The following ADGRL3 variants were observed in gnomAD, a reference collection of about 807,000 sequenced individuals.
The protein encoded by ADGRL3 is calcium-independent alpha-latrotoxin receptor 3.
ADGRL3 carries 62 observed loss-of-function variants against 153.5 expected under a neutral mutation model. That is an observed-to-expected ratio of 0.40 (90% CI 0.33 to 0.50). The LOEUF is 0.50. Among genes scored for constraint, ADGRL3 ranks in the 20% least tolerant of loss-of-function variants. The probability of loss-of-function intolerance (pLI) is 0.47; values close to 1 mark genes in which losing one functional copy is unlikely to be tolerated. For synonymous variants in ADGRL3, 710 were observed against 672.5 expected, an observed-to-expected ratio of 1.06 and a Z score of -0.86; for missense variants, 1,641 against 1,859.4, an observed-to-expected ratio of 0.88 and a Z score of 2.16.
intron 6 of ADGRL3, among the ~76,000 whole-genome samples, chr4:61,703,593 A>C (rs2095804702): frequency 6.6e-6 from 1 of 152,030 alleles, no homozygotes; most frequent in Admixed American, 6.6e-5. Context: ...GTATTAGAAC[A>C]ATAGGATAAG....
chr4:61,527,601 C>T (rs998159490), intron 4 of ADGRL3, among the ~76,000 whole-genome samples: 1 of 152,040 alleles, frequency 6.6e-6, no homozygotes, highest in Non-Finnish European at 1.5e-5. Context: ...ACTGTGAATG[C>T]CCCTTAGGTT....
intron 25 of ADGRL3, among the ~76,000 whole-genome samples, chr4:62,047,666 T>G (rs1298492747): frequency 1.3e-5 from 2 of 152,168 alleles, no homozygotes; most frequent in African/African-American, 4.8e-5. Context: ...TCTTTGGAAG[T>G]TTGTTGTTTC....
At chr4:61,867,472 C>T (rs1210101199) in intron 9 of ADGRL3, among the ~76,000 whole-genome samples, 1 of 126,380 alleles carries the variant, frequency 7.9e-6, no homozygotes, top group Non-Finnish European at 1.7e-5. Context: ...TGCACTCCAG[C>T]CTGGGCGACA....
At chr4:61,681,470 G>T (rs1364993679) in intron 6 of ADGRL3, among the ~76,000 whole-genome samples, 1 of 151,844 alleles carries the variant, frequency 6.6e-6, no homozygotes, top group Non-Finnish European at 1.5e-5. Context: ...AAAATTGCGG[G>T]GGGAAGTACA....
At position 62,071,174 on chromosome 4, in the gene ADGRL3, T is replaced by C. The variant is rs1396800356; in HGVS notation, c.*266T>C. 3.2e-5 allele frequency: 11 copies of C among 342,486 alleles called. No individual in the cohort carries two copies. The East Asian group carries it at 4.7e-4, about 15-fold the overall frequency. 21.2% of individuals were successfully genotyped at this position (342,486 alleles called of 1,614,324 possible). A position where few individuals can be genotyped will look rare whatever the true frequency, so the allele number is the denominator to read the frequency against. On this transcript the variant is annotated 3_prime_UTR_variant, in exon 27 of 27. Transcript: ENST00000683033. ...GACTTCATTATGTTAATGAACAAGATATGAAGAAAATGGCACTCATTGTGG... is the reference window on the plus strand; with the variant it reads ...GACTTCATTATGTTAATGAACAAGACATGAAGAAAATGGCACTCATTGTGG...
intron 1 of ADGRL3, among the ~76,000 whole-genome samples, chr4:61,360,252 A>G (rs1350983835): frequency 6.6e-6 from 1 of 152,190 alleles, no homozygotes; most frequent in Non-Finnish European, 1.5e-5. Flanking sequence ...TATTTCTGAG[A>G]TAACTTTGAC....
chr4:61,313,596 A>G (rs925420736), intron 1 of ADGRL3, among the ~76,000 whole-genome samples: 4 of 152,190 alleles, frequency 2.6e-5, no homozygotes, highest in African/African-American at 9.6e-5. Context: ...TGTATAACAC[A>G]ACCAATTTTA....
intron 2 of ADGRL3, among the ~76,000 whole-genome samples, chr4:61,409,415 A>ATT (rs1286789718): frequency 6.9e-6 from 1 of 144,152 alleles, no homozygotes; most frequent in Non-Finnish European, 1.5e-5. Context: ...ATATATATAT[A>ATT]TATATTATAT....
chr4:61,805,212 G>T (rs1253144239), intron 8 of ADGRL3, among the ~76,000 whole-genome samples: 1 of 152,044 alleles, frequency 6.6e-6, no homozygotes, highest in Non-Finnish European at 1.5e-5. Context: ...AAAGTGCTGG[G>T]ATTACAGGCA....
intron 2 of ADGRL3, among the ~76,000 whole-genome samples, chr4:61,437,350 A>G (rs2097460784): frequency 6.6e-6 from 1 of 152,182 alleles, no homozygotes; most frequent in Non-Finnish European, 1.5e-5. Context: ...CATTTTTGTC[A>G]TTGCAAAGTT....
rs972189546 is a variant in ADGRL3 at position 61,599,807 on chromosome 4, CT to C, written c.473+12369del. ...GGAGAAGGTCAGAGAAAAATTTTCG[CT>C]TCTGCAGCCACTTCTGAGGCCTTCA... is the stretch of plus-strand genomic sequence containing the variant. On this transcript the variant is annotated intron_variant, in intron 5 of 26. Transcript: ENST00000683033. Among the ~76,000 whole-genome samples, 58 of 152,126 alleles carry C rather than the reference CT, an allele frequency of 3.8e-4. 2 individuals carry two copies. Among genetic ancestry groups the C allele is most frequent in the Non-Finnish European group, 1.5e-5 (1 of 68,024 alleles).
intron 5 of ADGRL3, among the ~76,000 whole-genome samples, chr4:61,595,952 T>A (rs1377306130): frequency 1.3e-5 from 2 of 152,232 alleles, no homozygotes; most frequent in African/African-American, 4.8e-5. Context: ...CTGAATTCAA[T>A]GTAAAGTTTC....
chr4:61,710,431 C>T (rs931244681), intron 6 of ADGRL3, among the ~76,000 whole-genome samples: 1 of 152,136 alleles, frequency 6.6e-6, no homozygotes, highest in Non-Finnish European at 1.5e-5. Flanking sequence ...GAGATTCTTA[C>T]TTGCAAGATT....
intron 2 of ADGRL3, among the ~76,000 whole-genome samples, chr4:61,423,002 T>C (rs1337748132): frequency 1.3e-5 from 2 of 152,016 alleles, no homozygotes; most frequent in African/African-American, 4.8e-5. Context: ...CTTAGAATTA[T>C]AAAGAGGTGG....
At chr4:62,022,966 A>C (rs1367121360) in intron 21 of ADGRL3, among the ~76,000 whole-genome samples, 1 of 152,120 alleles carries the variant, frequency 6.6e-6, no homozygotes, top group Non-Finnish European at 1.5e-5. Flanking sequence ...TTATTACTCA[A>C]GAAATAAGTT....
chr4:61,482,435 G>T (rs532784962), intron 2 of ADGRL3, among the ~76,000 whole-genome samples: 1 of 152,054 alleles, frequency 6.6e-6, no homozygotes, highest in Non-Finnish European at 1.5e-5. Flanking sequence ...TTTCTAGCCG[G>T]AGCCAAATAT....
intron 2 of ADGRL3, among the ~76,000 whole-genome samples, chr4:61,404,033 G>T (rs750720629): frequency 6.6e-5 from 10 of 151,962 alleles, no homozygotes; most frequent in Non-Finnish European, 1.5e-4. Context: ...TTCAATATAA[G>T]AAATTTTAGG....
chr4:62,077,924 G>C lies in ADGRL3; in HGVS notation c.*7016G>C, dbSNP rs979711238. On this transcript the variant is annotated 3_prime_UTR_variant, in exon 27 of 27. Transcript: ENST00000683033. ...GAACTAGAAAATCAAGATTTGTAGAGTCAGGTTGATTTGCCTTCATTTAAT... is the reference window on the plus strand; with the variant it reads ...GAACTAGAAAATCAAGATTTGTAGACTCAGGTTGATTTGCCTTCATTTAAT... 3.3e-5 allele frequency: 5 copies of C among 151,928 alleles called. No homozygotes were observed. Among genetic ancestry groups the C allele is most frequent in the African/African-American group, 1.2e-4 (5 of 41,414 alleles). 9.4% of individuals were successfully genotyped at this position (151,928 alleles called of 1,614,324 possible).
At chr4:61,309,812 G>A (rs1003435389) in intron 1 of ADGRL3, among the ~76,000 whole-genome samples, 9 of 151,998 alleles carry the variant, frequency 5.9e-5, no homozygotes, top group Non-Finnish European at 1.0e-4. Flanking sequence ...CAATAGGATG[G>A]CAGATGGAAC....
Sources: gnomAD v4.1 joint callset for allele counts (sites outside exome capture counted in the v4.1 genomes callset) on GRCh38, gnomAD v4.1.1 for gene constraint, MANE v1.5 for transcripts, NCBI Gene and HGNC (gene_info 2026-07-23, HGNC 2026-07-21) for gene names.